ZNF148: variants seen among roughly 807,000 people sequenced by gnomAD.
ZNF148 encodes the protein Beta-Enolase Repressor Factor-1.
Under a neutral mutation model 67.7 loss-of-function variants are expected in ZNF148, and 7 were observed. The observed-to-expected ratio is 0.10, with a 90% CI of 0.06 to 0.19. The LOEUF is 0.19. Among genes scored for constraint, ZNF148 ranks in the 10% least tolerant of loss-of-function variants. The probability of loss-of-function intolerance (pLI) is 1.00; values close to 1 mark genes in which losing one functional copy is unlikely to be tolerated. For missense variants in ZNF148, 583 were observed against 947.1 expected, an observed-to-expected ratio of 0.62 and a Z score of 5.05; for synonymous variants, 333 against 330.7, an observed-to-expected ratio of 1.01 and a Z score of -0.08.
chr3:125,232,058 C>CTTT lies in ZNF148; in HGVS notation c.*280_*282dup. 1 of 286,160 alleles carries CTTT rather than the reference C, an allele frequency of 3.5e-6. No individual in the cohort carries two copies. Among genetic ancestry groups the CTTT allele is most frequent in the East Asian group, 6.0e-5 (1 of 16,784 alleles). The allele number at this position is 286,160 out of a possible 1,614,324, so 17.7% of individuals were successfully genotyped here. ...AGTTAGGAAACAATTGTGCGAAAGT[C>CTTT]TTTTTTTTTTCCTTTTTAACTTGGT... is the stretch of plus-strand genomic sequence containing the variant. On this transcript the variant is annotated 3_prime_UTR_variant, in exon 9 of 9. Transcript: ENST00000360647. The surrounding 1 kb of genome is among the most constrained non-coding windows in gnomAD (Gnocchi z 4.2).
At chr3:125,337,484 G>A (rs1208899480) in intron 1 of ZNF148, among the ~76,000 whole-genome samples, 1 of 152,060 alleles carries the variant, frequency 6.6e-6, no homozygotes, top group African/African-American at 2.4e-5. Context: ...CAAACTTAAG[G>A]AAAAGCTGTT....
Position 125,233,394 on chromosome 3 carries a change from A to T in ZNF148, c.1332T>A (p.Ile444=), listed in dbSNP as rs1935941616. 1 of 1,613,850 alleles carries T rather than the reference A, an allele frequency of 6.2e-7. No homozygotes were observed. Among genetic ancestry groups the T allele is most frequent in the Non-Finnish European group, 8.5e-7 (1 of 1,179,932 alleles). ...CCTCCTGCAAATTATCAACCTGATC[A>T]ATGTCAGCATTGCCTTCTGAGTCCA... is the stretch of plus-strand genomic sequence containing the variant. ...ALLDSEGNAD[I]DQVDNLQEGP... is the part of the protein sequence containing the mutation. The change falls in exon 9 of 9, where the codon ATT becomes ATA. Residue 444 remains isoleucine (I), a synonymous_variant. Coordinates refer to ENST00000360647, the MANE Select transcript of ZNF148 (RefSeq NM_021964.3). This position sits in a 1 kb window ranked among gnomAD's most constrained non-coding sequence, Gnocchi z 5.1.
At chr3:125,269,794 T>C (rs1024183467) in intron 7 of ZNF148, among the ~76,000 whole-genome samples, 13 of 152,304 alleles carry the variant, frequency 8.5e-5, no homozygotes, top group African/African-American at 2.9e-4. Flanking sequence ...CAAAATCATG[T>C]CTTTTGCAGA....
At chr3:125,344,761 G>GTC in intron 1 of ZNF148, 2 of 513,188 alleles carry the variant, frequency 3.9e-6, no homozygotes, top group Non-Finnish European at 7.3e-6. Flanking sequence ...GGTGAGGTAT[G>GTC]TCTCTGCACA....
At chr3:125,374,866 C>G (rs1039327502) in intron 1 of ZNF148, among the ~76,000 whole-genome samples, 2 of 152,122 alleles carry the variant, frequency 1.3e-5, no homozygotes, top group African/African-American at 4.8e-5. Context: ...TCCGCCACCC[C>G]CGTCATTATC....
At chr3:125,304,501 T>C (rs1416256884) in intron 4 of ZNF148, among the ~76,000 whole-genome samples, 1 of 152,116 alleles carries the variant, frequency 6.6e-6, no homozygotes, top group African/African-American at 2.4e-5. Flanking sequence ...GGGTAGCAAG[T>C]ACTCCTGTGA....
At chr3:125,290,727 A>G (rs1040754703) in intron 4 of ZNF148, among the ~76,000 whole-genome samples, 34 of 152,108 alleles carry the variant, frequency 2.2e-4, no homozygotes, top group African/African-American at 7.7e-4. Flanking sequence ...TTCCTTTTCA[A>G]AGGTCTTAAA....
chr3:125,352,519 T>C (rs1304343610), intron 1 of ZNF148, among the ~76,000 whole-genome samples: 4 of 152,158 alleles, frequency 2.6e-5, no homozygotes, highest in Non-Finnish European at 5.9e-5. Flanking sequence ...CTTAAGTGGG[T>C]GAATTGTATG....
chr3:125,356,988 C>T (rs1324169928), intron 1 of ZNF148: 1 of 152,228 alleles, frequency 6.6e-6, no homozygotes, highest in Non-Finnish European at 1.5e-5. Context: ...TTTTCACAGA[C>T]GTGAAACTGT....
At chr3:125,367,254 G>A (rs184664807) in intron 1 of ZNF148, among the ~76,000 whole-genome samples, 25 of 152,100 alleles carry the variant, frequency 1.6e-4, no homozygotes, top group Admixed American at 1.1e-3. Flanking sequence ...CAAAACAGCC[G>A]TCTCAAATAA....
intron 7 of ZNF148, among the ~76,000 whole-genome samples, chr3:125,271,784 T>C (rs879406256): frequency 1.3e-5 from 2 of 152,182 alleles, no homozygotes; most frequent in South Asian, 2.1e-4. Context: ...TTCTTAGGAA[T>C]TGCTAGGTTT....
intron 1 of ZNF148, among the ~76,000 whole-genome samples, chr3:125,346,503 T>G (rs1380165949): frequency 6.6e-6 from 1 of 152,112 alleles, no homozygotes; most frequent in Non-Finnish European, 1.5e-5. Context: ...CCACCCAAAT[T>G]TGATCTCGAA....
chr3:125,353,051 G>C (rs1188239113), intron 1 of ZNF148, among the ~76,000 whole-genome samples: 2 of 152,092 alleles, frequency 1.3e-5, no homozygotes, highest in Non-Finnish European at 2.9e-5. Flanking sequence ...CCACTCTTGG[G>C]CTTTTATCTC....
chr3:125,304,507 T>C (rs768098297), intron 4 of ZNF148, among the ~76,000 whole-genome samples: 7 of 152,122 alleles, frequency 4.6e-5, no homozygotes, highest in Non-Finnish European at 1.0e-4. Flanking sequence ...CAAGTACTCC[T>C]GTGAGGCTTA....
At chr3:125,346,775 T>C (rs1941959784) in intron 1 of ZNF148, among the ~76,000 whole-genome samples, 1 of 152,156 alleles carries the variant, frequency 6.6e-6, no homozygotes, top group Non-Finnish European at 1.5e-5. Flanking sequence ...CAATTAAACC[T>C]CTTTATAAAT....
At position 125,233,931 on chromosome 3, in the gene ZNF148, G is replaced by A; in HGVS notation, c.795C>T (p.Ser265=). ...TATGTTTCAATACACGATCTGTTCT[G>A]GAAAAATACTGTTGAATTCAGAGGA... is the stretch of plus-strand genomic sequence containing the variant. The part of the protein sequence containing the change: ...YQCEYCLQYF[S]RTDRVLKHKR... Residue 265 remains serine, a synonymous_variant, in exon 9 of 9, where the codon TCC becomes TCT. Coordinates refer to ENST00000360647, the MANE Select transcript of ZNF148 (RefSeq NM_021964.3). The surrounding 1 kb of genome is among the most constrained non-coding windows in gnomAD (Gnocchi z 5.1). 1 of 1,593,396 alleles carries A rather than the reference G, an allele frequency of 6.3e-7. No homozygotes were observed. Among genetic ancestry groups the A allele is most frequent in the South Asian group, 1.1e-5 (1 of 87,042 alleles).
chr3:125,266,020 A>G (rs554558439), intron 7 of ZNF148, among the ~76,000 whole-genome samples: 142 of 152,296 alleles, frequency 9.3e-4, no homozygotes, highest in African/African-American at 3.1e-3. Context: ...AAGAAGACTT[A>G]ACTATCCTAA....
intron 7 of ZNF148, among the ~76,000 whole-genome samples, chr3:125,252,923 T>A (rs1467418178): frequency 6.6e-6 from 1 of 152,206 alleles, no homozygotes; most frequent in African/African-American, 2.4e-5. Flanking sequence ...ATACAATGTT[T>A]CAAATGATTA....
intron 3 of ZNF148, among the ~76,000 whole-genome samples, chr3:125,321,523 T>C (rs1393317415): frequency 6.6e-6 from 1 of 152,190 alleles, no homozygotes; most frequent in Non-Finnish European, 1.5e-5. Context: ...AATCTAGGCA[T>C]ATTCTGCATT....
Sources: gnomAD v4.1 joint callset for allele counts (sites outside exome capture counted in the v4.1 genomes callset) on GRCh38, gnomAD v4.1.1 for gene constraint, Gnocchi (gnomAD v3.1) non-coding constraint, MANE v1.5 for transcripts, NCBI Gene and HGNC (gene_info 2026-07-23, HGNC 2026-07-21) for gene names.